ZER1: variants seen among roughly 807,000 people sequenced by gnomAD.
ZER1 encodes the protein protein zer-1 homolog.
A neutral mutation model predicts 78.8 loss-of-function variants in ZER1; 11 were observed. The ratio of observed to expected loss-of-function variants is 0.14; its 90% CI spans 0.09 to 0.23. The LOEUF (loss-of-function observed/expected upper bound fraction) is 0.23. Among genes scored for constraint, ZER1 ranks in the 10% least tolerant of loss-of-function variants. The probability of loss-of-function intolerance (pLI) is 1.00; values close to 1 mark genes in which losing one functional copy is unlikely to be tolerated. For missense variants in ZER1, 588 were observed against 996.9 expected, an observed-to-expected ratio of 0.59 and a Z score of 5.52; for synonymous variants, 400 against 407.0, an observed-to-expected ratio of 0.98 and a Z score of 0.21.
Position 128,750,669 on chromosome 9 carries a change from G to T in ZER1, c.1306C>A (p.Arg436=), listed in dbSNP as rs759637272. The T allele has an allele frequency of 1.2e-6, 2 of 1,614,082 alleles. No individual in the cohort carries two copies. Among genetic ancestry groups the T allele is most frequent in the South Asian group, 1.1e-5 (1 of 91,082 alleles). The change falls in exon 8 of 16, where the codon CGG becomes AGG. Residue 436 remains arginine (R), a synonymous_variant. Coordinates refer to ENST00000291900, the MANE Select transcript of ZER1 (RefSeq NM_006336.4). ...YRSEQSVKLR[R]QVIQVVLNGM... is the part of the protein sequence containing the mutation. ...TTCAGCACCACCTGGATAACCTGCC[G>T]GCGCAGCTTCACACTCTGCTCTGAG...
chr9:128,733,799 T>G (rs1460526750), intron 14 of ZER1, among the ~76,000 whole-genome samples: 1 of 137,900 alleles, frequency 7.3e-6, no homozygotes, highest in African/African-American at 2.9e-5. Context: ...AAAAAAAAAT[T>G]ATATATATAT....
chr9:128,772,096 C>T (rs1018250179), upstream of ZER1, among the ~76,000 whole-genome samples: 9 of 152,360 alleles, frequency 5.9e-5, no homozygotes, highest in East Asian at 1.9e-4. Flanking sequence ...GGATGCCCCC[C>T]CCAGGCCACC....
chr9:128,740,170 C>T lies in ZER1; in HGVS notation c.1854-51G>A, dbSNP rs1863241350. 7.3e-6 allele frequency: 11 copies of T among 1,516,278 alleles called. No individual in the cohort carries two copies. Among genetic ancestry groups the T allele is most frequent in the Non-Finnish European group, 9.8e-6 (11 of 1,122,966 alleles). 93.9% of individuals were successfully genotyped at this position (1,516,278 alleles called of 1,614,324 possible). On this transcript the variant is annotated intron_variant, in intron 12 of 15. Transcript: ENST00000291900. The surrounding 1 kb of genome is among the most constrained non-coding windows in gnomAD (Gnocchi z 4.4). ...GAGTCCCACTCCCCCAGTTTCTCTTCAGATACCAGCGGCAGGACCCCAACT... is the reference window on the plus strand; with the variant it reads ...GAGTCCCACTCCCCCAGTTTCTCTTTAGATACCAGCGGCAGGACCCCAACT...
chr9:128,742,897 A>T, intron 8 of ZER1, 152 bp from the exon 9 acceptor site: 2 of 737,026 alleles, frequency 2.7e-6, no homozygotes, highest in Non-Finnish European at 4.3e-6. Flanking sequence ...TCTCTAAAAA[A>T]TGTTTTTTAA....
intron 15 of ZER1, chr9:128,733,213 G>C (rs562918218): frequency 4.0e-6 from 2 of 504,880 alleles, no homozygotes; most frequent in African/African-American, 3.8e-5. Context: ...CTGATGCTCC[G>C]TTCCGAGCTT....
At chr9:128,750,595 C>T (rs978964093) in intron 8 of ZER1, 21 bp downstream of exon 8, 1 of 1,611,020 alleles carries the variant, frequency 6.2e-7, no homozygotes, top group Non-Finnish European at 8.5e-7. Context: ...GCATGCGGGG[C>T]CGTGGCGGGT....
intron 8 of ZER1, among the ~76,000 whole-genome samples, chr9:128,743,435 T>A (rs897024986): frequency 2.6e-5 from 4 of 152,052 alleles, no homozygotes; most frequent in South Asian, 4.1e-4. Flanking sequence ...TTATTTATTT[T>A]TTTTGAGACA....
At chr9:128,762,407 G>A (rs896435137) in intron 1 of ZER1, among the ~76,000 whole-genome samples, 2 of 152,246 alleles carry the variant, frequency 1.3e-5, no homozygotes, top group Non-Finnish European at 2.9e-5. Flanking sequence ...ACTGGGGACT[G>A]TGTGTGGATG....
chr9:128,737,272 A>C (rs1329098941), intron 13 of ZER1, among the ~76,000 whole-genome samples: 1 of 151,852 alleles, frequency 6.6e-6, no homozygotes, highest in African/African-American at 2.4e-5. Context: ...GGTGTGAGCC[A>C]CCGCATCCGG....
At position 128,753,036 on chromosome 9, in the gene ZER1, G is replaced by A. The variant is rs1030781485; in HGVS notation, c.746+128C>T. ...AACACTGGGTTTAAGGAATGGGACT[G>A]TGTCTTCATCCCCACCCTCTGCCTA... is the stretch of plus-strand genomic sequence containing the variant. On this transcript the variant is annotated intron_variant, in intron 4 of 15. Transcript: ENST00000291900. The surrounding 1 kb of genome is among the most constrained non-coding windows in gnomAD (Gnocchi z 7.5). 38 of 1,199,486 alleles carry A rather than the reference G, an allele frequency of 3.2e-5. No individual in the cohort carries two copies. Among genetic ancestry groups the A allele is most frequent in the Admixed American group, 8.4e-5 (3 of 35,564 alleles). The allele number at this position is 1,199,486 out of a possible 1,614,324, so 74.3% of individuals were successfully genotyped here. A position where few individuals can be genotyped will look rare whatever the true frequency, so the allele number is the denominator to read the frequency against.
chr9:128,742,662 G>A lies in ZER1; in HGVS notation c.1443C>T (p.Leu481=). 6.2e-7 allele frequency: 1 copy of A among 1,614,224 alleles called. No homozygotes were observed. The highest frequency in any genetic ancestry group is 8.5e-7 in the Non-Finnish European group (1 of 1,180,042). The stretch of plus-strand genomic sequence containing the variant: ...GCGTGGGGTTGAGGATGCTGAGCAG[G>A]AGCTCGTTGACCCGGCGGTACTGGA... The part of the protein sequence containing the change: ...LEFQYRRVNE[L]LLSILNPTRQ... The change falls in exon 9 of 16, where the codon CTC becomes CTT. Residue 481 remains leucine (L), a synonymous_variant. Transcript: ENST00000291900.
intron 15 of ZER1, 52 bp from the exon 16 acceptor site, chr9:128,731,446 G>A (rs1343269418): frequency 7.5e-7 from 1 of 1,330,636 alleles, no homozygotes. Flanking sequence ...GTGGGGGTGA[G>A]CCCAGCCCCT....
chr9:128,769,690 G>A (rs1589552800), intron 1 of ZER1, among the ~76,000 whole-genome samples: 1 of 152,114 alleles, frequency 6.6e-6, no homozygotes, highest in Non-Finnish European at 1.5e-5. Flanking sequence ...TTACAGGTGT[G>A]AGCCACCACA....
chr9:128,767,197 C>T (rs537545179), intron 1 of ZER1, among the ~76,000 whole-genome samples: 16 of 152,118 alleles, frequency 1.1e-4, no homozygotes, highest in Admixed American at 7.9e-4. Flanking sequence ...CCTGCCTCGG[C>T]CTCCCAAAGT....
Position 128,735,335 on chromosome 9 carries a change from G to A in ZER1, c.2139C>T (p.Tyr713=), listed in dbSNP as rs778968074. ...TWALYNLVSV[Y]PDKYCPLLIK... Reference sequence around the variant, plus strand: ...AACCCAGGACAAGTTGGCACTCACGGTAGACAGACACGAGGTTATACAGGG... The same window carrying A: ...AACCCAGGACAAGTTGGCACTCACGATAGACAGACACGAGGTTATACAGGG... Residue 713 remains tyrosine, a splice_region_variant and synonymous_variant, in exon 14 of 16, where the codon TAC becomes TAT. Coordinates refer to ENST00000291900, the MANE Select transcript of ZER1 (RefSeq NM_006336.4). The A allele has an allele frequency of 6.2e-6, 10 of 1,612,732 alleles. No homozygotes were observed. Among genetic ancestry groups the A allele is most frequent in the Non-Finnish European group, 8.5e-6 (10 of 1,179,512 alleles).
At chr9:128,736,139 A>C (rs1863070407) in intron 13 of ZER1, among the ~76,000 whole-genome samples, 1 of 151,366 alleles carries the variant, frequency 6.6e-6, no homozygotes, top group Non-Finnish European at 1.5e-5. Context: ...TTTAGTAGAG[A>C]CGGGGTTTCA....
intron 1 of ZER1, among the ~76,000 whole-genome samples, chr9:128,770,797 A>G (rs1191911065): frequency 6.6e-6 from 1 of 152,182 alleles, no homozygotes; most frequent in Non-Finnish European, 1.5e-5. Flanking sequence ...TGAAGTCTGA[A>G]GAGAAACATT....
Position 128,731,166 on chromosome 9 carries a change from TA to T in ZER1, c.*170del. 4.1e-6 allele frequency: 1 copy of T among 246,034 alleles called. No homozygotes were observed. The highest frequency in any genetic ancestry group is 7.5e-6 in the Non-Finnish European group (1 of 133,556). 15.2% of individuals were successfully genotyped at this position (246,034 alleles called of 1,614,324 possible). A position where few individuals can be genotyped will look rare whatever the true frequency, so the allele number is the denominator to read the frequency against. ...CCAAAAAAAAAATATATATATATAA[TA>T]TATATATATCTCACTAACATTAAGG... On this transcript the variant is annotated 3_prime_UTR_variant, in exon 16 of 16. Coordinates refer to ENST00000291900, the MANE Select transcript of ZER1 (RefSeq NM_006336.4).
intron 11 of ZER1, 26 bp downstream of exon 11, chr9:128,741,509 C>T: frequency 6.2e-7 from 1 of 1,613,920 alleles, no homozygotes; most frequent in Non-Finnish European, 8.5e-7. Flanking sequence ...GCTGAGGCAG[C>T]TGCTGCTGCA....
Sources: allele counts gnomAD v4.1 joint callset (sites outside exome capture counted in the v4.1 genomes callset), GRCh38; gene constraint gnomAD v4.1.1; non-coding constraint Gnocchi (gnomAD v3.1); transcripts MANE v1.5; gene names NCBI Gene and HGNC (gene_info 2026-07-23, HGNC 2026-07-21).